The following DPH6 variants were observed in gnomAD, a reference collection of about 807,000 sequenced individuals.
The protein encoded by DPH6 is diphthamine biosynthesis 6.
DPH6 carries 33 observed loss-of-function variants against 38.2 expected under a neutral mutation model. The observed-to-expected ratio is 0.86, with a 90% CI of 0.65 to 1.15. DPH6 has a LOEUF of 1.15. Ranked by LOEUF, DPH6 falls within the 50% of genes most tolerant of loss-of-function variation. DPH6 has a pLI of 0.00. For synonymous variants in DPH6, 108 were observed against 103.0 expected, an observed-to-expected ratio of 1.05 and a Z score of -0.30; for missense variants, 325 against 320.0, an observed-to-expected ratio of 1.02 and a Z score of -0.12.
chr15:35,417,078 A>C (rs1418055599), intron 5 of DPH6, among the ~76,000 whole-genome samples: 2 of 152,088 alleles, frequency 1.3e-5, no homozygotes, highest in African/African-American at 4.8e-5. Context: ...AATACATGAA[A>C]ACAAAACTCA....
chr15:35,318,218 T>A (rs372686019), intron 3 of DPH6, among the ~76,000 whole-genome samples: 4 of 152,026 alleles, frequency 2.6e-5, no homozygotes, highest in African/African-American at 7.2e-5. Context: ...ACTATGGAAA[T>A]ATTAAGCAAA....
chr15:35,238,852 C>T (rs1164327265), intron 3 of DPH6, among the ~76,000 whole-genome samples: 1 of 151,188 alleles, frequency 6.6e-6, no homozygotes, highest in Non-Finnish European at 1.5e-5. Flanking sequence ...CTACTGAGCA[C>T]CTTGTGACCC....
At chr15:35,515,390 C>G (rs562120897) in intron 3 of DPH6, among the ~76,000 whole-genome samples, 7 of 151,816 alleles carry the variant, frequency 4.6e-5, no homozygotes, top group African/African-American at 1.7e-4. Context: ...GCCAGAGGTT[C>G]GTGACCAGCC....
rs1463819692 is a variant in DPH6, at chr15:35,423,532, G to A, written c.506-12636C>T. Among the ~76,000 whole-genome samples, 4 of 151,706 alleles carry A rather than the reference G, an allele frequency of 2.6e-5. No homozygotes were observed. The South Asian group carries it at 6.2e-4, about 24-fold the overall frequency. On this transcript the variant is annotated intron_variant, in intron 5 of 8. Coordinates refer to ENST00000256538, the MANE Select transcript of DPH6 (RefSeq NM_080650.4). Reference sequence around the variant, plus strand: ...CTGCTCTTTCCTTTGCTGTGCAGAAGCTTTTTAGTTTGATGCAATCCTATA... The same window carrying A: ...CTGCTCTTTCCTTTGCTGTGCAGAAACTTTTTAGTTTGATGCAATCCTATA...
At chr15:35,195,144 G>C in the DPH6 span, among the ~76,000 whole-genome samples, 1 of 152,000 alleles carries the variant, frequency 6.6e-6, no homozygotes, top group Non-Finnish European at 1.5e-5. Context: ...TTTTAGTTCT[G>C]GCATATGAGT....
chr15:35,418,911 T>C (rs993367242), intron 5 of DPH6, among the ~76,000 whole-genome samples: 5 of 152,098 alleles, frequency 3.3e-5, no homozygotes, highest in African/African-American at 9.7e-5. Context: ...ATCTCAACCT[T>C]TGTAGCCTAG....
At chr15:35,507,712 A>C (rs1038485843) in intron 3 of DPH6, among the ~76,000 whole-genome samples, 2 of 152,148 alleles carry the variant, frequency 1.3e-5, no homozygotes, top group African/African-American at 4.8e-5. Context: ...TTAGTAAATC[A>C]TTAATTAGAA....
chr15:35,537,004 T>A (rs1293199026), intron 3 of DPH6, among the ~76,000 whole-genome samples: 2 of 152,048 alleles, frequency 1.3e-5, no homozygotes, highest in African/African-American at 4.8e-5. Context: ...AGCAGAAAAT[T>A]TTGGAACTAC....
At chr15:35,258,940 A>G (rs2051725410) in intron 3 of DPH6, among the ~76,000 whole-genome samples, 1 of 152,092 alleles carries the variant, frequency 6.6e-6, no homozygotes, top group Non-Finnish European at 1.5e-5. Context: ...TGAGGCCAGG[A>G]GTTCAAGACC....
downstream of DPH6, among the ~76,000 whole-genome samples, chr15:35,214,006 C>T (rs1004223903): frequency 4.6e-5 from 7 of 151,572 alleles, no homozygotes; most frequent in East Asian, 5.8e-4. Flanking sequence ...CAGCTACTCG[C>T]GAGGCTGAGG....
intron 3 of DPH6, among the ~76,000 whole-genome samples, chr15:35,491,789 T>A (rs983243282): frequency 6.7e-6 from 1 of 150,228 alleles, no homozygotes; most frequent in Non-Finnish European, 1.5e-5. Context: ...AGACATATTT[T>A]TATATATATT....
chr15:35,450,678 T>A lies in DPH6; in HGVS notation c.505+7A>T. 6.2e-7 allele frequency: 1 copy of A among 1,610,078 alleles called. No individual in the cohort carries two copies. The highest frequency in any genetic ancestry group is 1.1e-5 in the South Asian group (1 of 90,718). On this transcript the variant is annotated splice_region_variant and intron_variant, in intron 5 of 8. Coordinates refer to ENST00000256538, the MANE Select transcript of DPH6 (RefSeq NM_080650.4). Reference sequence around the variant, plus strand: ...CAAACAGCTCCCTTGATAGTTTGGCTGCATACCCAAAGCTGCTACTTTGAT... The same window carrying A: ...CAAACAGCTCCCTTGATAGTTTGGCAGCATACCCAAAGCTGCTACTTTGAT...
chr15:35,415,098 T>C (rs757326872), intron 5 of DPH6, among the ~76,000 whole-genome samples: 1 of 151,948 alleles, frequency 6.6e-6, no homozygotes, highest in Non-Finnish European at 1.5e-5. Context: ...CAGAGATGTT[T>C]ACAATGTTTT....
intron 3 of DPH6, among the ~76,000 whole-genome samples, chr15:35,244,159 G>T (rs1034155308): frequency 6.6e-6 from 1 of 152,150 alleles, no homozygotes; most frequent in South Asian, 2.1e-4. Context: ...TGTACCAAAA[G>T]ATATTTAATT....
the DPH6 span, chr15:35,169,593 G>A: frequency 6.6e-6 from 1 of 152,106 alleles, no homozygotes; most frequent in African/African-American, 2.4e-5. Context: ...AAAGGACACT[G>A]AACCAGAACT....
the DPH6 span, among the ~76,000 whole-genome samples, chr15:35,166,409 C>G: frequency 7.9e-5 from 12 of 151,924 alleles, no homozygotes; most frequent in South Asian, 2.1e-4. Flanking sequence ...TATGAAGGCT[C>G]CTGTGTCACA....
intron 3 of DPH6, among the ~76,000 whole-genome samples, chr15:35,229,519 C>T (rs2051503297): frequency 6.6e-6 from 1 of 152,088 alleles, no homozygotes; most frequent in African/African-American, 2.4e-5. Context: ...GGTCACATAT[C>T]TCTGTTTCTC....
At chr15:35,407,666 A>G (rs11073092) in intron 6 of DPH6, among the ~76,000 whole-genome samples, 46,625 of 151,804 alleles carry the variant, frequency 0.31, 7,896 homozygotes, top group African/African-American at 0.46. Flanking sequence ...AAATAATGAG[A>G]AGGTATTAAC....
chr15:35,176,144 C>T, the DPH6 span, among the ~76,000 whole-genome samples: 2 of 152,168 alleles, frequency 1.3e-5, no homozygotes, highest in African/African-American at 4.8e-5. Context: ...AATACCCACA[C>T]ATTTTAATTT....
Sources: gnomAD v4.1 joint callset for allele counts (sites outside exome capture counted in the v4.1 genomes callset) on GRCh38, gnomAD v4.1.1 for gene constraint, MANE v1.5 for transcripts, NCBI Gene and HGNC (gene_info 2026-07-23, HGNC 2026-07-21) for gene names.